RFX3: variants seen among roughly 807,000 people sequenced by gnomAD.
The protein encoded by RFX3 is regulatory factor X3.
Under a neutral mutation model 98.6 loss-of-function variants are expected in RFX3, and 14 were observed. That is an observed-to-expected ratio of 0.14 (90% confidence interval 0.09 to 0.22). The LOEUF (loss-of-function observed/expected upper bound fraction) is 0.22, where lower values mean the gene tolerates loss of function less well. RFX3 is among the 10% of genes least tolerant of loss of function. RFX3 has a pLI of 1.00. For synonymous variants in RFX3, 383 were observed against 328.4 expected (o/e 1.17, Z -1.80); for missense variants, 639 against 926.9 (o/e 0.69, Z 4.03).
Position 3,484,198 on chromosome 9 carries a change from T to C in RFX3, c.-9+41549A>G, listed in dbSNP as rs148623989. Among the ~76,000 whole-genome samples the C allele has an allele frequency of 2.0e-4, 30 of 152,364 alleles. No homozygotes were observed. In the East Asian group the frequency reaches 4.8e-3, roughly 24 times the overall value. ...GGAAACCATTTTCAAACCCTTTGAATTTCAGAAATGAATATAAAAGATCAT... is the reference window on the plus strand; with the variant it reads ...GGAAACCATTTTCAAACCCTTTGAACTTCAGAAATGAATATAAAAGATCAT... On this transcript the variant is annotated intron_variant, in intron 1 of 16. Coordinates refer to ENST00000617270, the MANE Select transcript of RFX3 (RefSeq NM_001282116.2).
At chr9:3,285,859 A>G (rs1826522739) in intron 7 of RFX3, among the ~76,000 whole-genome samples, 1 of 151,768 alleles carries the variant, frequency 6.6e-6, no homozygotes, top group Non-Finnish European at 1.5e-5. Context: ...CTATCCTGAG[A>G]ATGCAGAGGT....
intron 1 of RFX3, among the ~76,000 whole-genome samples, chr9:3,405,703 G>A (rs1841896418): frequency 1.3e-5 from 2 of 152,022 alleles, no homozygotes; most frequent in African/African-American, 4.8e-5. Context: ...ATAAATTACT[G>A]AGTCTGCTTC....
At position 3,523,815 on chromosome 9, in the gene RFX3, T is replaced by A. The variant is rs1046246359; in HGVS notation, c.-9+1932A>T. On this transcript the variant is annotated intron_variant, in intron 1 of 16. Transcript: ENST00000617270. ...ATTAGAGATTTGCATGGAACCCAGTTTGGGGAGAGGAGGAATAATTATAAA... is the reference window on the plus strand; with the variant it reads ...ATTAGAGATTTGCATGGAACCCAGTATGGGGAGAGGAGGAATAATTATAAA... 5.9e-5 allele frequency among the ~76,000 whole-genome samples: 9 copies of A among 152,234 alleles called. No homozygotes were observed. The East Asian group carries it at 1.7e-3, about 29-fold the overall frequency.
At chr9:3,280,489 G>A (rs1442389971) in intron 7 of RFX3, among the ~76,000 whole-genome samples, 1 of 151,640 alleles carries the variant, frequency 6.6e-6, no homozygotes, top group East Asian at 1.9e-4. Flanking sequence ...CATTTTCAAG[G>A]TACCCTAACT....
chr9:3,486,823 C>G (rs1442312637), intron 1 of RFX3, among the ~76,000 whole-genome samples: 1 of 152,034 alleles, frequency 6.6e-6, no homozygotes, highest in East Asian at 1.9e-4. Context: ...TTGATGGGCC[C>G]CAGATACGAT....
At chr9:3,352,456 A>G (rs1439213465) in intron 2 of RFX3, among the ~76,000 whole-genome samples, 1 of 152,022 alleles carries the variant, frequency 6.6e-6, no homozygotes, top group Non-Finnish European at 1.5e-5. Context: ...AAAATAAATT[A>G]ATATATTACA....
At chr9:3,362,995 A>T (rs1836633200) in intron 2 of RFX3, among the ~76,000 whole-genome samples, 2 of 152,236 alleles carry the variant, frequency 1.3e-5, no homozygotes, top group Non-Finnish European at 2.9e-5. Context: ...AATCCAAAGG[A>T]ACATAGCAAC....
intron 2 of RFX3, among the ~76,000 whole-genome samples, chr9:3,358,051 GA>G (rs762619277): frequency 6.6e-6 from 1 of 151,988 alleles, no homozygotes; most frequent in Non-Finnish European, 1.5e-5. Flanking sequence ...CTGTGAGGTG[GA>G]AAAATTGGTT....
chr9:3,267,020 A>T (rs1370005535), intron 11 of RFX3, among the ~76,000 whole-genome samples: 1 of 152,028 alleles, frequency 6.6e-6, no homozygotes, highest in Non-Finnish European at 1.5e-5. Flanking sequence ...GTCCCATGAC[A>T]GAAGATTTTA....
intron 1 of RFX3, among the ~76,000 whole-genome samples, chr9:3,411,242 C>T (rs1218401111): frequency 6.6e-6 from 1 of 152,136 alleles, no homozygotes; most frequent in African/African-American, 2.4e-5. Flanking sequence ...TACATAAATT[C>T]TTTTTCAATT....
intron 1 of RFX3, among the ~76,000 whole-genome samples, chr9:3,414,444 G>A (rs927181020): frequency 6.6e-6 from 1 of 151,308 alleles, no homozygotes; most frequent in Non-Finnish European, 1.5e-5. Flanking sequence ...CATATTTGCT[G>A]TCCTACCAAA....
intron 3 of RFX3, among the ~76,000 whole-genome samples, chr9:3,343,385 A>G (rs1471976237): frequency 6.6e-6 from 1 of 152,198 alleles, no homozygotes; most frequent in African/African-American, 2.4e-5. Flanking sequence ...CAAGTCAGGG[A>G]TCAAACACTA....
chr9:3,370,029 G>C (rs1587363426), intron 2 of RFX3, among the ~76,000 whole-genome samples: 1 of 138,380 alleles, frequency 7.2e-6, no homozygotes, highest in African/African-American at 2.8e-5. Context: ...TTTTAGTAGA[G>C]ACGGGGTTTC....
chr9:3,483,096 A>G (rs1186254775), intron 1 of RFX3, among the ~76,000 whole-genome samples: 1 of 152,204 alleles, frequency 6.6e-6, no homozygotes, highest in Admixed American at 6.5e-5. Context: ...AATACTTAAA[A>G]TCAATTATTC....
At chr9:3,467,314 A>ATGTG (rs1043151481) in intron 1 of RFX3, among the ~76,000 whole-genome samples, 1 of 147,106 alleles carries the variant, frequency 6.8e-6, no homozygotes, top group Non-Finnish European at 1.5e-5. Context: ...AAATATATAT[A>ATGTG]TGTGTGTGTG....
intron 11 of RFX3, among the ~76,000 whole-genome samples, chr9:3,266,930 A>G (rs1023837377): frequency 1.3e-5 from 2 of 152,060 alleles, no homozygotes; most frequent in Non-Finnish European, 2.9e-5. Context: ...GCTGTTACGG[A>G]AACCCGTATT....
At chr9:3,524,027 C>T (rs982403073) in intron 1 of RFX3, among the ~76,000 whole-genome samples, 2 of 152,254 alleles carry the variant, frequency 1.3e-5, no homozygotes, top group Non-Finnish European at 1.5e-5. Flanking sequence ...ATAATTAGTA[C>T]TGTCACATTA....
chr9:3,396,981 G>A (rs1021059028), intron 1 of RFX3, among the ~76,000 whole-genome samples: 2 of 152,046 alleles, frequency 1.3e-5, no homozygotes, highest in Non-Finnish European at 2.9e-5. Context: ...GTATAATATG[G>A]TACTAAAATC....
intron 1 of RFX3, among the ~76,000 whole-genome samples, chr9:3,510,107 G>A (rs368733486): frequency 2.0e-5 from 3 of 152,106 alleles, no homozygotes; most frequent in South Asian, 2.1e-4. Context: ...CTAATCTGCT[G>A]TAGTCCCATG....
Sources: gnomAD v4.1 joint callset for allele counts (sites outside exome capture counted in the v4.1 genomes callset) on GRCh38, gnomAD v4.1.1 for gene constraint, MANE v1.5 for transcripts, NCBI Gene and HGNC (gene_info 2026-07-23, HGNC 2026-07-21) for gene names.